The following GRIP1 variants were observed in gnomAD, a reference collection of about 807,000 sequenced individuals.
GRIP1 encodes glutamate receptor-interacting protein 1.
In GRIP1, 45 loss-of-function variants were observed where a neutral mutation model predicts 129.9. The observed-to-expected ratio is 0.35, with a 90% CI of 0.27 to 0.44. The LOEUF is 0.44. GRIP1 is among the 20% of genes least tolerant of loss of function. The pLI is 1.00. For missense variants in GRIP1, 1,196 were observed against 1,396.8 expected (o/e 0.86, Z 2.29); for synonymous variants, 530 against 520.8 (o/e 1.02, Z -0.24).
intron 1 of GRIP1, chr12:66,626,529 T>C (rs971569746): frequency 6.6e-6 from 1 of 152,192 alleles, no homozygotes; most frequent in Non-Finnish European, 1.5e-5. Context: ...ATGTCTTGAA[T>C]ATAAACCACC....
chr12:66,455,368 T>C, intron 11 of GRIP1, 41 bp downstream of exon 11: 1 of 1,604,096 alleles, frequency 6.2e-7, no homozygotes, highest in Non-Finnish European at 8.5e-7. Context: ...TGCCCACAGG[T>C]TTTTTCCAGG....
At chr12:66,678,501 A>G (rs2136270529) in intron 1 of GRIP1, among the ~76,000 whole-genome samples, 1 of 152,262 alleles carries the variant, frequency 6.6e-6, no homozygotes, top group East Asian at 1.9e-4. Flanking sequence ...GGACAGTAAC[A>G]CACACTTGAC....
intron 2 of GRIP1, among the ~76,000 whole-genome samples, chr12:66,549,124 G>A (rs1423789358): frequency 6.6e-6 from 1 of 152,176 alleles, no homozygotes; most frequent in African/African-American, 2.4e-5. Flanking sequence ...GTCAACAAGA[G>A]TGTTTTTTCC....
In GRIP1 at chr12:66,678,881, G is replaced by T; in HGVS notation, c.24C>A (p.Cys8Ter). Residue 8 changes from cysteine to a stop codon, truncating the protein, a stop_gained, in exon 1 of 25, where the codon TGC (cysteine) becomes TGA (stop). Transcript: ENST00000359742. LOFTEE classifies it high-confidence loss of function. MIAVSFK[C>*]RCQILRRLTK... Reference sequence around the variant, plus strand: ...TAAGTCGCCTCAGAATTTGACAACGGCATTTAAAAGAGACAGCTATCATTC... The same window carrying T: ...TAAGTCGCCTCAGAATTTGACAACGTCATTTAAAAGAGACAGCTATCATTC... The T allele has an allele frequency of 6.2e-7, 1 of 1,613,440 alleles. No homozygotes were observed. The highest frequency in any genetic ancestry group is 1.3e-5 in the African/African-American group (1 of 74,994).
At chr12:66,512,432 CTAATT>C (rs2060726742) in intron 7 of GRIP1, among the ~76,000 whole-genome samples, 1 of 151,926 alleles carries the variant, frequency 6.6e-6, no homozygotes. Context: ...TGTTCCTTAT[CTAATT>C]TAAGATCTTA....
chr12:66,803,915 A>G, intron 1 of GRIP1: 1 of 324,900 alleles, frequency 3.1e-6, no homozygotes, highest in East Asian at 7.6e-5. Flanking sequence ...AGCAAAACAT[A>G]GCACTTCAGT....
At chr12:66,832,631 C>T (rs2039538817) in intron 1 of GRIP1, among the ~76,000 whole-genome samples, 1 of 152,296 alleles carries the variant, frequency 6.6e-6, no homozygotes, top group East Asian at 1.9e-4. Context: ...GGGTACTAAG[C>T]TGGTTATAGT....
intron 1 of GRIP1, among the ~76,000 whole-genome samples, chr12:66,957,881 A>G (rs2041866452): frequency 6.6e-6 from 1 of 152,146 alleles, no homozygotes; most frequent in Non-Finnish European, 1.5e-5. Flanking sequence ...GTGGAGATTT[A>G]TAGTCCATCT....
chr12:66,603,045 A>C (rs2064351864), intron 1 of GRIP1, among the ~76,000 whole-genome samples: 3 of 151,164 alleles, frequency 2.0e-5, no homozygotes, highest in African/African-American at 7.3e-5. Flanking sequence ...TTTTTTATAG[A>C]GGCTAGGTCT....
chr12:66,529,658 T>G (rs1418638520), intron 5 of GRIP1, among the ~76,000 whole-genome samples, 173 bp downstream of exon 5: 1 of 152,102 alleles, frequency 6.6e-6, no homozygotes, highest in African/African-American at 2.4e-5. Context: ...GGCTGAGGAA[T>G]AAAAGGCTAC....
chr12:66,924,084 A>T (rs2041256722), intron 1 of GRIP1, among the ~76,000 whole-genome samples: 1 of 152,038 alleles, frequency 6.6e-6, no homozygotes, highest in African/African-American at 2.4e-5. Context: ...GCAGCAGGTG[A>T]TTCACCCCCC....
intron 15 of GRIP1, among the ~76,000 whole-genome samples, chr12:66,413,174 T>C (rs2057463086): frequency 6.6e-6 from 1 of 152,142 alleles, no homozygotes; most frequent in Non-Finnish European, 1.5e-5. Context: ...CATTGCCACA[T>C]GACACTTACT....
chr12:66,980,049 A>G (rs974832486), intron 1 of GRIP1, among the ~76,000 whole-genome samples: 2 of 152,176 alleles, frequency 1.3e-5, no homozygotes, highest in African/African-American at 4.8e-5. Context: ...AATGCCAGTG[A>G]GGCTTCTGCA....
At chr12:66,589,983 G>C (rs1257910012) in intron 2 of GRIP1, among the ~76,000 whole-genome samples, 1 of 152,134 alleles carries the variant, frequency 6.6e-6, no homozygotes, top group Non-Finnish European at 1.5e-5. Context: ...CCAAACCCAG[G>C]AATGAGAGAA....
At position 66,399,266 on chromosome 12, in the gene GRIP1, C is replaced by T. The variant is rs574323250; in HGVS notation, c.1985-4914G>A. ...CAACTGCCAATTCCACCTGCCTTCTCGGGCTTTAACTCAACTGGTGAGGCC... is the reference window on the plus strand; with the variant it reads ...CAACTGCCAATTCCACCTGCCTTCTTGGGCTTTAACTCAACTGGTGAGGCC... On this transcript the variant is annotated intron_variant, in intron 16 of 24. Coordinates refer to ENST00000359742, the MANE Select transcript of GRIP1 (RefSeq NM_001366722.1). 2.7e-4 allele frequency among the ~76,000 whole-genome samples: 41 copies of T among 151,960 alleles called. No individual in the cohort carries two copies. The South Asian group carries it at 5.4e-3, about 20-fold the overall frequency.
chr12:66,727,183 AT>A (rs913028645), intron 1 of GRIP1, among the ~76,000 whole-genome samples: 8 of 152,196 alleles, frequency 5.3e-5, no homozygotes, highest in African/African-American at 1.9e-4. Flanking sequence ...TTTACTCATA[AT>A]GGTATGGTAG....
chr12:66,545,590 A>G (rs560822327), intron 2 of GRIP1, among the ~76,000 whole-genome samples: 5 of 152,350 alleles, frequency 3.3e-5, no homozygotes, highest in African/African-American at 1.2e-4. Context: ...TGAAGGATAT[A>G]AGATTAGAAT....
intron 1 of GRIP1, among the ~76,000 whole-genome samples, chr12:66,844,794 ACT>A (rs1222736896): frequency 1.3e-5 from 2 of 152,216 alleles, no homozygotes; most frequent in Admixed American, 1.3e-4. Flanking sequence ...AAGGAAGAAA[ACT>A]CTGACAGATG....
At chr12:66,638,910 G>T (rs2031664570) in intron 1 of GRIP1, among the ~76,000 whole-genome samples, 1 of 152,122 alleles carries the variant, frequency 6.6e-6, no homozygotes, top group African/African-American at 2.4e-5. Flanking sequence ...TGTGCCTTTG[G>T]GCATTTTACA....
Sources: allele counts gnomAD v4.1 joint callset (sites outside exome capture counted in the v4.1 genomes callset), GRCh38; gene constraint gnomAD v4.1.1; transcripts MANE v1.5; gene names NCBI Gene and HGNC (gene_info 2026-07-23, HGNC 2026-07-21).